Variants in SMC4 observed in about 807,000 individuals in gnomAD.
SMC4 encodes the protein structural maintenance of chromosomes 4.
SMC4 carries 87 observed loss-of-function variants against 145.6 expected under a neutral mutation model. That is an observed-to-expected ratio of 0.60 (90% CI 0.50 to 0.71). The LOEUF (loss-of-function observed/expected upper bound fraction) is 0.71. Among genes scored for constraint, SMC4 ranks in the 30% least tolerant of loss-of-function variants. The pLI is 0.00. For synonymous variants in SMC4, 558 were observed against 500.7 expected (o/e 1.11, Z -1.53); for missense variants, 1,447 against 1,537.1 (o/e 0.94, Z 0.98).
At position 160,400,403 on chromosome 3, in the gene SMC4, G is replaced by C. The variant is rs573192668; in HGVS notation, c.-5-419G>C. On this transcript the variant is annotated intron_variant, in intron 1 of 23. Transcript: ENST00000357388. ...GGGATCCTGACCCGGACACGAACTC[G>C]TTTCTCCACGTCGGTGCGCGCTTGC... is the stretch of plus-strand genomic sequence containing the variant. The C allele has an allele frequency of 6.7e-4, 103 of 154,792 alleles. 1 individual carries two copies. The highest frequency in any genetic ancestry group is 1.7e-3 in the Admixed American group (26 of 15,348). 9.6% of individuals were successfully genotyped at this position (154,792 alleles called of 1,614,324 possible). A position where few individuals can be genotyped will look rare whatever the true frequency, so the allele number is the denominator to read the frequency against.
chr3:160,418,958 A>G (rs1374108312), intron 11 of SMC4, among the ~76,000 whole-genome samples: 1 of 152,190 alleles, frequency 6.6e-6, no homozygotes, highest in Non-Finnish European at 1.5e-5. Context: ...AATAAAGCAC[A>G]GCATAACCGT....
rs1299747050 is a variant in SMC4, at chr3:160,426,164, A to G, written c.2569A>G (p.Lys857Glu). The change falls in exon 17 of 24, where the codon AAA becomes GAA. Residue 857 changes from lysine (K) to glutamate (E), a missense_variant. Physicochemically the swap from Lys to Glu is moderately conservative, Grantham distance 56 (BLOSUM62 1). Transcript: ENST00000357388. ...TACAGCCCCTGACAAAAAAAAGCAG[A>G]AATTGCTAGAAGAAAACGTTAGTGC... is the stretch of plus-strand genomic sequence containing the variant. ...LATAPDKKKQ[K>E]LLEENVSAFK... 1 of 1,610,492 alleles carries G rather than the reference A, an allele frequency of 6.2e-7. No individual in the cohort carries two copies. The highest frequency in any genetic ancestry group is 1.3e-5 in the African/African-American group (1 of 74,754).
chr3:160,408,420 CAGT>C (rs1444643491), intron 5 of SMC4, among the ~76,000 whole-genome samples: 6 of 152,136 alleles, frequency 3.9e-5, no homozygotes, highest in Non-Finnish European at 5.9e-5. Flanking sequence ...CTTAAGATAA[CAGT>C]GGTGGGAAAA....
intron 5 of SMC4, among the ~76,000 whole-genome samples, chr3:160,407,588 A>G (rs1477663323): frequency 6.7e-6 from 1 of 149,338 alleles, no homozygotes; most frequent in Non-Finnish European, 1.5e-5. Context: ...TTTTTTTTTA[A>G]TTATTTTGTA....
chr3:160,407,101 A>G (rs764791432), intron 5 of SMC4, among the ~76,000 whole-genome samples: 8 of 152,158 alleles, frequency 5.3e-5, no homozygotes, highest in Non-Finnish European at 1.0e-4. Flanking sequence ...GGGTAGAAGA[A>G]TGGTTAATGT....
At position 160,417,790 on chromosome 3, in the gene SMC4, C is replaced by G. The variant is rs1352297836; in HGVS notation, c.1505C>G (p.Ala502Gly). ...GAAGCACGTTCAAAGATGGATGTAGCCCAGTCAGAACTTGATATCTATCTC... is the reference window on the plus strand; with the variant it reads ...GAAGCACGTTCAAAGATGGATGTAGGCCAGTCAGAACTTGATATCTATCTC... Reference protein sequence around the residue: ...VNEARSKMDVAQSELDIYLSR... With the variant: ...VNEARSKMDVGQSELDIYLSR... The change falls in exon 11 of 24, where the codon GCC becomes GGC. Residue 502 changes from alanine (A) to glycine (G), a missense_variant. Ala to Gly is a moderately conservative substitution (Grantham distance 60). Coordinates refer to ENST00000357388, the MANE Select transcript of SMC4 (RefSeq NM_001002800.3). 1.9e-6 allele frequency: 3 copies of G among 1,613,546 alleles called. No homozygotes were observed. The highest frequency in any genetic ancestry group is 2.5e-6 in the Non-Finnish European group (3 of 1,179,808).
intron 18 of SMC4, among the ~76,000 whole-genome samples, chr3:160,429,264 C>T (rs928776465): frequency 6.6e-6 from 1 of 152,110 alleles, no homozygotes; most frequent in African/African-American, 2.4e-5. Context: ...TAAATAGATA[C>T]AGGCCTTAAA....
intron 9 of SMC4, 141 bp from the exon 10 acceptor site, chr3:160,416,110 G>T: frequency 2.1e-6 from 1 of 474,596 alleles, no homozygotes; most frequent in Middle Eastern, 6.1e-4. Flanking sequence ...GAAAATACTT[G>T]TTAAAGCTAG....
In SMC4 at chr3:160,424,745, G is replaced by A. The variant is rs1381246257; in HGVS notation, c.2326-122G>A. 5 of 1,009,410 alleles carry A rather than the reference G, an allele frequency of 5.0e-6. No individual in the cohort carries two copies. In the East Asian group the frequency reaches 1.1e-4, roughly 21 times the overall value. The allele number at this position is 1,009,410 out of a possible 1,614,324, so 62.5% of individuals were successfully genotyped here. A position where few individuals can be genotyped will look rare whatever the true frequency, so the allele number is the denominator to read the frequency against. ...GAATCGCTTGAACCCGGGAGGCGGA[G>A]GTTGCAGTGAGCTGAGACCGCGCCA... On this transcript the variant is annotated intron_variant, in intron 15 of 23. Transcript: ENST00000357388.
At chr3:160,402,596 TAACA>T in intron 3 of SMC4, 76 bp from the exon 4 acceptor site, 1 of 1,430,600 alleles carries the variant, frequency 7.0e-7, no homozygotes, top group South Asian at 1.3e-5. Flanking sequence ...TAAAAAAATC[TAACA>T]GTTTCAGTTA....
chr3:160,431,609 C>A, intron 20 of SMC4, 34 bp from the exon 21 acceptor site: 1 of 1,455,386 alleles, frequency 6.9e-7, no homozygotes, highest in Non-Finnish European at 9.3e-7. Context: ...TAATATTATG[C>A]CTTCTCTAAC....
At chr3:160,413,149 C>A (rs887610956) in intron 7 of SMC4, among the ~76,000 whole-genome samples, 16 of 151,590 alleles carry the variant, frequency 1.1e-4, no homozygotes, top group African/African-American at 3.2e-4. Flanking sequence ...TTTATTTTTT[C>A]TTTTTTCTTT....
At chr3:160,404,785 A>G (rs771786973) in intron 5 of SMC4, 1 of 584,562 alleles carries the variant, frequency 1.7e-6, no homozygotes, top group South Asian at 1.4e-5. Flanking sequence ...GTAGTGAAAT[A>G]TATATTAAAC....
chr3:160,414,985 T>G (rs976637739), intron 9 of SMC4, among the ~76,000 whole-genome samples: 1 of 152,226 alleles, frequency 6.6e-6, no homozygotes, highest in East Asian at 1.9e-4. Context: ...TAGTAGTTTT[T>G]AAAGATATTT....
chr3:160,404,762 C>T (rs1258574236), intron 5 of SMC4: 6 of 624,038 alleles, frequency 9.6e-6, no homozygotes, highest in Admixed American at 1.8e-5. Context: ...TCTAGCAGCA[C>T]GTAAATATTG....
intron 10 of SMC4, chr3:160,416,663 G>C (rs978088223): frequency 4.2e-6 from 1 of 235,696 alleles, no homozygotes; most frequent in Non-Finnish European, 8.2e-6. Flanking sequence ...ACAGTACCTT[G>C]ATTATTATAT....
chr3:160,404,743 T>A (rs1230251179), intron 5 of SMC4: 3 of 656,112 alleles, frequency 4.6e-6, no homozygotes, highest in Non-Finnish European at 8.8e-6. Context: ...ACTGACATAC[T>A]TGTTCCACTC....
chr3:160,430,485 TATATG>T, intron 18 of SMC4, 109 bp from the exon 19 acceptor site: 3 of 974,144 alleles, frequency 3.1e-6, no homozygotes, highest in South Asian at 2.0e-5. Flanking sequence ...AACTTAAAAA[TATATG>T]AATAGAAAAA....
chr3:160,400,077 G>A (rs1263897219), intron 1 of SMC4: 1 of 152,422 alleles, frequency 6.6e-6, no homozygotes, highest in African/African-American at 2.4e-5. Flanking sequence ...CAACGGACTA[G>A]TCACCGGGTC....
Sources: allele counts gnomAD v4.1 joint callset (sites outside exome capture counted in the v4.1 genomes callset), GRCh38; gene constraint gnomAD v4.1.1; transcripts MANE v1.5; gene names NCBI Gene and HGNC (gene_info 2026-07-23, HGNC 2026-07-21).